GALNT13: variants seen among roughly 807,000 people sequenced by gnomAD.
GALNT13 encodes polypeptide N-acetylgalactosaminyltransferase 13, also known as UDP-GalNAc:polypeptide N-acetylgalactosaminyltransferase 13.
GALNT13 carries 28 observed loss-of-function variants against 64.2 expected under a neutral mutation model. The ratio of observed to expected loss-of-function variants is 0.44; its 90% confidence interval spans 0.32 to 0.60. The LOEUF is 0.60. GALNT13 is among the 20% of genes least tolerant of loss of function. GALNT13 has a pLI of 0.05. For missense variants in GALNT13, 577 were observed against 669.8 expected, an observed-to-expected ratio of 0.86 and a Z score of 1.53; for synonymous variants, 214 against 224.6, an observed-to-expected ratio of 0.95 and a Z score of 0.42.
intron 4 of GALNT13, among the ~76,000 whole-genome samples, chr2:154,193,193 G>A (rs1206746704): frequency 6.6e-6 from 1 of 152,202 alleles, no homozygotes; most frequent in African/African-American, 2.4e-5. Flanking sequence ...AATTTTATTT[G>A]AAAATATTTC....
intron 9 of GALNT13, among the ~76,000 whole-genome samples, chr2:154,365,285 G>T (rs1265934627): frequency 6.6e-6 from 1 of 152,092 alleles, no homozygotes; most frequent in South Asian, 2.1e-4. Context: ...ACAATCAATT[G>T]TTGGATATAA....
At chr2:154,341,387 G>C (rs1488279306) in intron 9 of GALNT13, among the ~76,000 whole-genome samples, 1 of 152,092 alleles carries the variant, frequency 6.6e-6, no homozygotes, top group Non-Finnish European at 1.5e-5. Context: ...GTGATAATGT[G>C]ATGGAAAAAA....
At chr2:153,891,586 G>A (rs1687556209) in intron 1 of GALNT13, among the ~76,000 whole-genome samples, 1 of 152,052 alleles carries the variant, frequency 6.6e-6, no homozygotes, top group South Asian at 2.1e-4. Flanking sequence ...GATCTCAAGG[G>A]CTGATTCTGT....
intron 9 of GALNT13, among the ~76,000 whole-genome samples, chr2:154,311,841 C>A (rs1221267598): frequency 1.3e-5 from 2 of 152,188 alleles, no homozygotes; most frequent in African/African-American, 2.4e-5. Flanking sequence ...AGGAATTCAG[C>A]GATATTTCTC....
At chr2:154,255,222 G>T (rs1218227540) in intron 7 of GALNT13, among the ~76,000 whole-genome samples, 1 of 152,134 alleles carries the variant, frequency 6.6e-6, no homozygotes, top group East Asian at 1.9e-4. Flanking sequence ...TTAAGGACAG[G>T]TTATTGGAGT....
intron 3 of GALNT13, among the ~76,000 whole-genome samples, chr2:154,078,039 C>A (rs1370749914): frequency 1.3e-5 from 2 of 151,398 alleles, no homozygotes; most frequent in African/African-American, 2.4e-5. Flanking sequence ...GTAATGTTTG[C>A]CTTTCAAAAC....
chr2:153,099,499 C>T, the GALNT13 span, among the ~76,000 whole-genome samples: 2 of 152,054 alleles, frequency 1.3e-5, no homozygotes, highest in East Asian at 3.9e-4. Flanking sequence ...GTTATGCGTT[C>T]TGCTAATAAA....
At chr2:154,231,110 C>T (rs546871870) in intron 4 of GALNT13, among the ~76,000 whole-genome samples, 2 of 152,118 alleles carry the variant, frequency 1.3e-5, no homozygotes, top group Admixed American at 6.6e-5. Context: ...TGCTCCTTTC[C>T]TCATCATAGT....
the GALNT13 span, among the ~76,000 whole-genome samples, chr2:153,525,535 G>C: frequency 6.6e-6 from 1 of 152,162 alleles, no homozygotes; most frequent in African/African-American, 2.4e-5. Flanking sequence ...TCTACCTCCT[G>C]TCATATCAGT....
chr2:154,204,448 T>A (rs1457239276), intron 4 of GALNT13, among the ~76,000 whole-genome samples: 1 of 152,154 alleles, frequency 6.6e-6, no homozygotes, highest in Non-Finnish European at 1.5e-5. Context: ...TAACTTGAAT[T>A]ATTTATTTTC....
At chr2:153,336,640 G>A in the GALNT13 span, among the ~76,000 whole-genome samples, 2 of 152,188 alleles carry the variant, frequency 1.3e-5, no homozygotes, top group Non-Finnish European at 2.9e-5. Context: ...CTCCTAGACA[G>A]AAGAGACTTG....
At chr2:153,320,629 A>G in the GALNT13 span, among the ~76,000 whole-genome samples, 1 of 152,180 alleles carries the variant, frequency 6.6e-6, no homozygotes, top group East Asian at 1.9e-4. Context: ...TGTTATTTGC[A>G]TGGAATTGTA....
At chr2:153,182,963 T>A in the GALNT13 span, among the ~76,000 whole-genome samples, 1 of 151,804 alleles carries the variant, frequency 6.6e-6, no homozygotes, top group African/African-American at 2.4e-5. Flanking sequence ...CATATATATT[T>A]ATGATTTATA....
At chr2:153,739,519 A>G in the GALNT13 span, among the ~76,000 whole-genome samples, 1,194 of 144,310 alleles carry the variant, frequency 8.3e-3, 16 homozygotes, top group African/African-American at 0.029. Flanking sequence ...TTATTTATTT[A>G]TTTATTTATT....
the GALNT13 span, among the ~76,000 whole-genome samples, chr2:153,561,232 C>A: frequency 6.6e-6 from 1 of 151,078 alleles, no homozygotes; most frequent in Non-Finnish European, 1.5e-5. Context: ...ATCTTCTTTT[C>A]AAATTCTTAT....
intron 10 of GALNT13, among the ~76,000 whole-genome samples, chr2:154,396,750 A>G (rs1031702884): frequency 1.3e-5 from 2 of 152,080 alleles, no homozygotes; most frequent in Non-Finnish European, 2.9e-5. Flanking sequence ...GGAGAATGTG[A>G]AAGTGAAAAC....
the GALNT13 span, among the ~76,000 whole-genome samples, chr2:153,607,881 GATA>G: frequency 6.6e-6 from 1 of 152,012 alleles, no homozygotes; most frequent in African/African-American, 2.4e-5. Context: ...TTTTCATCAG[GATA>G]ATTTTTCATC....
At chr2:153,423,210 T>TA in the GALNT13 span, among the ~76,000 whole-genome samples, 3 of 151,828 alleles carry the variant, frequency 2.0e-5, no homozygotes, top group Non-Finnish European at 4.4e-5. Context: ...ATAACAATGT[T>TA]AAAACGTGAT....
Position 154,383,833 on chromosome 2 carries a change from A to C in GALNT13, c.1157-12158A>C, listed in dbSNP as rs553359302. On this transcript the variant is annotated intron_variant, in intron 9 of 12. Transcript: ENST00000392825. The stretch of plus-strand genomic sequence containing the variant: ...TCTGAATAAGTCCAAATCACTTTTT[A>C]GTAAGTGTAGGTAGTAATTCTAAGA... 7.9e-5 allele frequency among the ~76,000 whole-genome samples: 12 copies of C among 152,008 alleles called. No homozygotes were observed. The East Asian group carries it at 1.9e-3, about 24-fold the overall frequency.
Sources: gnomAD v4.1 joint callset for allele counts (sites outside exome capture counted in the v4.1 genomes callset) on GRCh38, gnomAD v4.1.1 for gene constraint, MANE v1.5 for transcripts, NCBI Gene and HGNC (gene_info 2026-07-23, HGNC 2026-07-21) for gene names.